Variants in CXADR observed in about 807,000 individuals in gnomAD.
The protein encoded by CXADR is coxsackievirus and adenovirus receptor.
Under a neutral mutation model 40.3 loss-of-function variants are expected in CXADR, and 20 were observed. That is an observed-to-expected ratio of 0.50 (90% CI 0.35 to 0.72). The LOEUF is 0.72. CXADR is among the 30% of genes least tolerant of loss of function. The pLI is 0.01. For synonymous variants in CXADR, 150 were observed against 161.3 expected (o/e 0.93, Z 0.53); for missense variants, 332 against 449.1 (o/e 0.74, Z 2.36).
At chr21:17,519,707 T>C (rs115486312) in intron 1 of CXADR, among the ~76,000 whole-genome samples, 4,754 of 152,246 alleles carry the variant, frequency 0.031, 266 homozygotes, top group African/African-American at 0.11. Flanking sequence ...ACCTCTTGTA[T>C]CCATCATGGT....
chr21:17,558,238 CCTA>C (rs1374818864), intron 3 of CXADR, among the ~76,000 whole-genome samples: 16 of 151,732 alleles, frequency 1.1e-4, no homozygotes, highest in Admixed American at 6.6e-5. Flanking sequence ...AAGTCATCCT[CCTA>C]CCCCAGCCTC....
intron 1 of CXADR, among the ~76,000 whole-genome samples, chr21:17,539,988 C>G (rs1600983737): frequency 6.6e-6 from 1 of 152,142 alleles, no homozygotes; most frequent in African/African-American, 2.4e-5. Context: ...CCATAGATGC[C>G]TTAAACAATA....
chr21:17,565,447 A>G lies in CXADR; in HGVS notation c.853A>G (p.Lys285Glu), dbSNP rs772343543. The G allele has an allele frequency of 2.5e-6, 4 of 1,613,882 alleles. No individual in the cohort carries two copies. In the Admixed American group the frequency reaches 6.7e-5, roughly 27 times the overall value. ...HDIREDVPPP[K>E]SRTSTARSYI... is the part of the protein sequence containing the mutation. ...TTGCAGGGAAGATGTGCCACCTCCAAAGAGCCGTACGTCCACTGCCAGAAG... is the reference window on the plus strand; with the variant it reads ...TTGCAGGGAAGATGTGCCACCTCCAGAGAGCCGTACGTCCACTGCCAGAAG... Residue 285 changes from lysine to glutamate, a missense_variant, in exon 7 of 7, where the codon AAG becomes GAG. Physicochemically the swap from Lys to Glu is moderately conservative, Grantham distance 56 (BLOSUM62 1). Around this residue, in one of 3 missense-constraint regions of CXADR, gnomAD observed 150 missense variants for 194.2 expected, o/e 0.77. Coordinates refer to ENST00000284878, the MANE Select transcript of CXADR (RefSeq NM_001338.5).
At chr21:17,536,276 T>C (rs960390461) in intron 1 of CXADR, among the ~76,000 whole-genome samples, 2 of 152,226 alleles carry the variant, frequency 1.3e-5, no homozygotes, top group African/African-American at 4.8e-5. Context: ...AGCATCAGTG[T>C]TCATTTCTTC....
chr21:17,547,098 C>G lies in CXADR; in HGVS notation c.115C>G (p.Leu39Val). The change falls in exon 2 of 7, where the codon CTG becomes GTG. Residue 39 changes from leucine to valine, a missense_variant. Physicochemically the swap from Leu to Val is conservative, Grantham distance 32. Around this residue, in one of 3 missense-constraint regions of CXADR, gnomAD observed 162 missense variants for 198.5 expected, o/e 0.82. Coordinates refer to ENST00000284878, the MANE Select transcript of CXADR (RefSeq NM_001338.5). ...AAAAGCCAAAGGGGAAACTGCCTAT[C>G]TGCCATGCAAATTTACGCTTAGTCC... ...IEKAKGETAY[L>V]PCKFTLSPED... The G allele has an allele frequency of 6.2e-7, 1 of 1,614,110 alleles. No homozygotes were observed. Among genetic ancestry groups the G allele is most frequent in the Non-Finnish European group, 8.5e-7 (1 of 1,180,006 alleles).
chr21:17,582,725 A>G (rs914615437), intron 7 of CXADR, among the ~76,000 whole-genome samples: 2 of 152,186 alleles, frequency 1.3e-5, no homozygotes, highest in South Asian at 2.1e-4. Flanking sequence ...TCCTTGATTT[A>G]TCTTTGGTTT....
At chr21:17,519,683 C>G (rs2060504794) in intron 1 of CXADR, among the ~76,000 whole-genome samples, 1 of 152,114 alleles carries the variant, frequency 6.6e-6, no homozygotes, top group Admixed American at 6.5e-5. Flanking sequence ...CAATCTTGAC[C>G]TTAAACCTGG....
At chr21:17,521,566 A>C (rs941468977) in intron 1 of CXADR, among the ~76,000 whole-genome samples, 1 of 151,848 alleles carries the variant, frequency 6.6e-6, no homozygotes, top group African/African-American at 2.4e-5. Flanking sequence ...CAGGTGATCC[A>C]CCCTCCTTGG....
At chr21:17,603,145 C>T in the CXADR span, among the ~76,000 whole-genome samples, 1 of 152,152 alleles carries the variant, frequency 6.6e-6, no homozygotes. Flanking sequence ...GATCTAAGTG[C>T]AGGTCAAATT....
At chr21:17,522,999 C>G (rs558637198) in intron 1 of CXADR, among the ~76,000 whole-genome samples, 40 of 152,302 alleles carry the variant, frequency 2.6e-4, no homozygotes, top group African/African-American at 9.4e-4. Flanking sequence ...ATTTTCCCAT[C>G]TGCTCATATC....
At chr21:17,628,316 A>T in the CXADR span, among the ~76,000 whole-genome samples, 8 of 152,164 alleles carry the variant, frequency 5.3e-5, no homozygotes, top group East Asian at 3.9e-4. Flanking sequence ...AAGTCCCAAG[A>T]TCTGTAAGAT....
the CXADR span, among the ~76,000 whole-genome samples, chr21:17,631,275 G>A: frequency 6.6e-6 from 1 of 152,132 alleles, no homozygotes; most frequent in East Asian, 1.9e-4. Flanking sequence ...TTTACAGTTC[G>A]TTGCTTTTAT....
chr21:17,604,154 A>G, the CXADR span: 10 of 1,281,556 alleles, frequency 7.8e-6, no homozygotes, highest in Non-Finnish European at 9.2e-6. Context: ...CATAATCAAA[A>G]AGGAGGAGGC....
intron 1 of CXADR, among the ~76,000 whole-genome samples, chr21:17,529,877 C>T (rs2123159711): frequency 6.6e-6 from 1 of 152,170 alleles, no homozygotes; most frequent in South Asian, 2.1e-4. Context: ...GGAAATAGAA[C>T]CCAACCCACA....
chr21:17,582,038 G>A (rs1388487413), intron 7 of CXADR, among the ~76,000 whole-genome samples: 2 of 12,340 alleles, frequency 1.6e-4, no homozygotes, highest in South Asian at 4.8e-3. Context: ...GCCCTCCCGG[G>A]TTCAAGTGAT....
the CXADR span, chr21:17,608,932 G>A: frequency 6.3e-7 from 1 of 1,584,542 alleles, no homozygotes; most frequent in African/African-American, 1.4e-5. Context: ...CCCACCTCAG[G>A]GGTTGATCAG....
intron 3 of CXADR, among the ~76,000 whole-genome samples, chr21:17,558,238 C>G (rs1569125597): frequency 1.3e-5 from 2 of 151,732 alleles, no homozygotes; most frequent in African/African-American, 4.9e-5. Context: ...AAGTCATCCT[C>G]CTACCCCAGC....
chr21:17,538,699 C>A (rs578243888), intron 1 of CXADR, among the ~76,000 whole-genome samples: 2 of 151,990 alleles, frequency 1.3e-5, no homozygotes, highest in Non-Finnish European at 2.9e-5. Context: ...ACCTGTAGTC[C>A]CAGCTCCTTG....
rs79444120 is a variant in CXADR at position 17,521,179 on chromosome 21, G to A, written c.43+8007G>A. On this transcript the variant is annotated intron_variant, in intron 1 of 6. Transcript: ENST00000284878. The stretch of plus-strand genomic sequence containing the variant: ...GTAAGAAGGAGTGATAGGGGATATA[G>A]GAGACCTAGAGGATGAAGGTGTCCT... Among the ~76,000 whole-genome samples the A allele has an allele frequency of 1.8e-3, 267 of 152,270 alleles. 3 individuals carry two copies. The South Asian group carries it at 0.032, about 18-fold the overall frequency.
Sources: gnomAD v4.1 joint callset for allele counts (sites outside exome capture counted in the v4.1 genomes callset) on GRCh38, gnomAD v4.1.1 for gene constraint, gnomAD v4.1.1 regional missense constraint, MANE v1.5 for transcripts, NCBI Gene and HGNC (gene_info 2026-07-23, HGNC 2026-07-21) for gene names.